The following OXR1 variants were observed in gnomAD, a reference collection of about 807,000 sequenced individuals.
The protein encoded by OXR1 is oxidation resistance 1.
In OXR1, 41 loss-of-function variants were observed where a neutral mutation model predicts 104.6. That is an observed-to-expected ratio of 0.39 (90% CI 0.31 to 0.51). The LOEUF is 0.51. Ranked by LOEUF, OXR1 falls within the 20% of genes least tolerant of loss-of-function variation. The pLI is 0.77. For missense variants in OXR1, 955 were observed against 1,031.9 expected, an observed-to-expected ratio of 0.93 and a Z score of 1.02; for synonymous variants, 348 against 348.4, an observed-to-expected ratio of 1.00 and a Z score of 0.01.
At position 106,341,324 on chromosome 8, in the gene OXR1, A is replaced by T. The variant is rs577683849; in HGVS notation, c.-138-18152A>T. ...AGATTGAGAAAAAAGGAAAATATTTAAAATAGTACATCTTTTTAGAAATAC... is the reference window on the plus strand; with the variant it reads ...AGATTGAGAAAAAAGGAAAATATTTTAAATAGTACATCTTTTTAGAAATAC... On this transcript the variant is annotated intron_variant, in intron 1 of 16. Transcript: ENST00000517566. 9.9e-5 allele frequency among the ~76,000 whole-genome samples: 15 copies of T among 151,954 alleles called. 1 individual carries two copies. In the South Asian group the frequency reaches 3.1e-3, roughly 32 times the overall value.
At chr8:106,443,393 G>A (rs905065053) in intron 2 of OXR1, among the ~76,000 whole-genome samples, 2 of 151,986 alleles carry the variant, frequency 1.3e-5, no homozygotes, top group Admixed American at 6.6e-5. Flanking sequence ...TGTTGATTTG[G>A]GGTAGAGAGT....
intron 1 of OXR1, among the ~76,000 whole-genome samples, chr8:106,328,190 C>T (rs1814557181): frequency 6.6e-6 from 1 of 152,140 alleles, no homozygotes; most frequent in Non-Finnish European, 1.5e-5. Context: ...TATTATTTGG[C>T]CACAAGGGCT....
At chr8:106,374,061 T>G (rs1816813035) in intron 2 of OXR1, among the ~76,000 whole-genome samples, 1 of 152,204 alleles carries the variant, frequency 6.6e-6, no homozygotes, top group Admixed American at 6.5e-5. Context: ...GGTTGGTAGA[T>G]TCAGTGTATT....
At chr8:106,558,602 G>A (rs928649124) in intron 3 of OXR1, among the ~76,000 whole-genome samples, 1 of 152,176 alleles carries the variant, frequency 6.6e-6, no homozygotes, top group Non-Finnish European at 1.5e-5. Flanking sequence ...GTTGCCCCAA[G>A]CATCTTGATA....
chr8:106,409,875 G>T (rs73307119), intron 2 of OXR1, among the ~76,000 whole-genome samples: 4,426 of 152,086 alleles, frequency 0.029, 219 homozygotes, highest in African/African-American at 0.1. Context: ...GAATCATTTT[G>T]CAAATGTTTT....
chr8:106,640,348 A>C (rs1177939587), intron 3 of OXR1, among the ~76,000 whole-genome samples: 1 of 151,202 alleles, frequency 6.6e-6, no homozygotes, highest in East Asian at 1.9e-4. Context: ...ATTTGTATAT[A>C]GATGTATATA....
intron 1 of OXR1, among the ~76,000 whole-genome samples, chr8:106,286,143 C>CA (rs1812491807): frequency 6.6e-6 from 1 of 152,158 alleles, no homozygotes; most frequent in Non-Finnish European, 1.5e-5. Flanking sequence ...CTGTCTTTCT[C>CA]ATGGAGCTTA....
intron 1 of OXR1, among the ~76,000 whole-genome samples, chr8:106,338,422 G>T (rs556520853): frequency 1.3e-5 from 2 of 151,912 alleles, no homozygotes; most frequent in South Asian, 2.1e-4. Context: ...AATTAGCTGG[G>T]TGTGGTGGCC....
intron 3 of OXR1, among the ~76,000 whole-genome samples, chr8:106,663,184 C>T (rs1360806782): frequency 6.6e-6 from 1 of 152,104 alleles, no homozygotes; most frequent in Non-Finnish European, 1.5e-5. Context: ...TTATTTAATC[C>T]TAATAAAAAC....
intron 1 of OXR1, among the ~76,000 whole-genome samples, chr8:106,334,796 A>G (rs1228460763): frequency 1.3e-5 from 2 of 152,012 alleles, no homozygotes; most frequent in Non-Finnish European, 2.9e-5. Context: ...CTGATATTCC[A>G]TTCTTTCTGT....
intron 1 of OXR1, among the ~76,000 whole-genome samples, chr8:106,320,673 T>C (rs568818089): frequency 1.1e-4 from 14 of 128,564 alleles, no homozygotes; most frequent in Non-Finnish European, 1.2e-4. Context: ...CTCATTCTTC[T>C]TTTTTTGGGG....
At chr8:106,386,533 G>A (rs1406058136) in intron 2 of OXR1, among the ~76,000 whole-genome samples, 1 of 152,174 alleles carries the variant, frequency 6.6e-6, no homozygotes, top group Non-Finnish European at 1.5e-5. Context: ...GAGCCCAAAT[G>A]AACATTGCCT....
At chr8:106,360,919 G>T (rs1816217174) in intron 2 of OXR1, among the ~76,000 whole-genome samples, 2 of 152,130 alleles carry the variant, frequency 1.3e-5, no homozygotes, top group Admixed American at 6.6e-5. Context: ...GAAAGGAAAA[G>T]GAAAGGGCAG....
intron 2 of OXR1, among the ~76,000 whole-genome samples, chr8:106,467,480 GACC>G (rs1821235134): frequency 6.6e-6 from 1 of 151,882 alleles, no homozygotes; most frequent in Non-Finnish European, 1.5e-5. Flanking sequence ...TAGGCAGCAT[GACC>G]CTCAGCCTAA....
At chr8:106,600,280 ATGT>A (rs1819872886) in intron 3 of OXR1, among the ~76,000 whole-genome samples, 1 of 152,210 alleles carries the variant, frequency 6.6e-6, no homozygotes, top group Non-Finnish European at 1.5e-5. Context: ...TTAAAAATAA[ATGT>A]TGTGCCTTCC....
chr8:106,290,206 A>G (rs972970325), intron 1 of OXR1, among the ~76,000 whole-genome samples: 2 of 152,020 alleles, frequency 1.3e-5, no homozygotes, highest in Non-Finnish European at 2.9e-5. Flanking sequence ...TAGGGAAAGG[A>G]CTCCCTATTC....
intron 2 of OXR1, among the ~76,000 whole-genome samples, chr8:106,446,550 G>A (rs903047688): frequency 1.3e-5 from 2 of 151,632 alleles, no homozygotes; most frequent in Non-Finnish European, 2.9e-5. Flanking sequence ...CCTGGGAGGC[G>A]GAGGTTGCAG....
intron 3 of OXR1, among the ~76,000 whole-genome samples, chr8:106,531,981 A>G (rs1563585494): frequency 6.6e-6 from 1 of 152,182 alleles, no homozygotes; most frequent in Non-Finnish European, 1.5e-5. Context: ...CTCCACCCCT[A>G]TATAAGCCTG....
At chr8:106,493,412 C>G (rs1352686934) in intron 2 of OXR1, among the ~76,000 whole-genome samples, 2 of 152,138 alleles carry the variant, frequency 1.3e-5, no homozygotes, top group African/African-American at 2.4e-5. Context: ...CCACCATAGC[C>G]AAGACCATGG....
Sources: gnomAD v4.1 joint callset for allele counts (sites outside exome capture counted in the v4.1 genomes callset) on GRCh38, gnomAD v4.1.1 for gene constraint, MANE v1.5 for transcripts, NCBI Gene and HGNC (gene_info 2026-07-23, HGNC 2026-07-21) for gene names.